The following VANGL2 variants were observed in gnomAD, a reference collection of about 807,000 sequenced individuals.
VANGL2 encodes the protein VANGL planar cell polarity protein 2.
Under a neutral mutation model 50.2 loss-of-function variants are expected in VANGL2, and 14 were observed. That is an observed-to-expected ratio of 0.28 (90% CI 0.18 to 0.44). The LOEUF is 0.44. Among genes scored for constraint, VANGL2 ranks in the 20% least tolerant of loss-of-function variants. The probability of loss-of-function intolerance (pLI) is 1.00; values close to 1 mark genes in which losing one functional copy is unlikely to be tolerated. For missense variants in VANGL2, 533 were observed against 701.5 expected, an observed-to-expected ratio of 0.76 and a Z score of 2.71; for synonymous variants, 295 against 297.2, an observed-to-expected ratio of 0.99 and a Z score of 0.08.
chr1:160,424,184 G>A lies in VANGL2; in HGVS notation c.1206G>A (p.Met402Ile). The change falls in exon 7 of 8, where the codon ATG becomes ATA. Residue 402 changes from methionine (M) to isoleucine (I), a missense_variant. Physicochemically the swap from Met to Ile is conservative, Grantham distance 10. Transcript: ENST00000368061. ...QAIFASMARA[M>I]QKYLRTTKQQ... is the part of the protein sequence containing the mutation. ...TCTTTGCATCCATGGCCCGTGCCAT[G>A]CAGAAGTACCTTCGGACCACCAAGC... 1 of 1,614,218 alleles carries A rather than the reference G, an allele frequency of 6.2e-7. No homozygotes were observed. Among genetic ancestry groups the A allele is most frequent in the Non-Finnish European group, 8.5e-7 (1 of 1,180,046 alleles).
At position 160,415,787 on chromosome 1, in the gene VANGL2, A is replaced by G. The variant is rs767680878; in HGVS notation, c.-51A>G. ...GGAGGTGGCTGTGGGGCCCCCCAAGAGGCCCCAGCCTGCGGCCCTGGAGCG... is the reference window on the plus strand; with the variant it reads ...GGAGGTGGCTGTGGGGCCCCCCAAGGGGCCCCAGCCTGCGGCCCTGGAGCG... On this transcript the variant is annotated 5_prime_UTR_variant, in exon 2 of 8. Transcript: ENST00000368061. The G allele has an allele frequency of 4.6e-5, 73 of 1,587,362 alleles. No homozygotes were observed. The highest frequency in any genetic ancestry group is 5.9e-5 in the Non-Finnish European group (69 of 1,167,246).
Position 160,425,409 on chromosome 1 carries a change from TGG to T in VANGL2, c.*36_*37del. ...CAACAGCAGGGGGAGTGGGAAACTCTGGGGGGTCCTGAGGGGGTGGGAGGGGG... is the reference window on the plus strand; with the variant it reads ...CAACAGCAGGGGGAGTGGGAAACTCTGGGGTCCTGAGGGGGTGGGAGGGGG... On this transcript the variant is annotated 3_prime_UTR_variant, in exon 8 of 8. Transcript: ENST00000368061. 4.0e-6 allele frequency: 1 copy of T among 252,866 alleles called. No homozygotes were observed. The allele number at this position is 252,866 out of a possible 1,614,324, so 15.7% of individuals were successfully genotyped here. A position where few individuals can be genotyped will look rare whatever the true frequency, so the allele number is the denominator to read the frequency against.
At chr1:160,406,885 T>G (rs1650685371) in intron 1 of VANGL2, among the ~76,000 whole-genome samples, 1 of 152,100 alleles carries the variant, frequency 6.6e-6, no homozygotes, top group Non-Finnish European at 1.5e-5. Context: ...TGCACCACCA[T>G]GCCTGGCTAA....
In VANGL2 at chr1:160,420,421, G is replaced by T. The variant is rs768600299; in HGVS notation, c.811G>T (p.Val271Leu). The T allele has an allele frequency of 1.9e-6, 3 of 1,613,824 alleles. No individual in the cohort carries two copies. The highest frequency in any genetic ancestry group is 1.1e-5 in the South Asian group (1 of 91,048). Residue 271 changes from valine to leucine, a missense_variant, in exon 5 of 8, where the codon GTG becomes TTG. Val to Leu is a conservative substitution (Grantham distance 32). Transcript: ENST00000368061. ...CCGTCTCCCCCACAGCATCCAGCGC[G>T]TGGCAGTGTGGATCCTGGAGAAGTA... Reference protein sequence around the residue: ...YNVGHLSIQRVAVWILEKYYH... With the variant: ...YNVGHLSIQRLAVWILEKYYH...
intron 1 of VANGL2, among the ~76,000 whole-genome samples, chr1:160,402,596 C>T (rs915048501): frequency 7.9e-5 from 12 of 152,078 alleles, no homozygotes; most frequent in South Asian, 6.2e-4. Flanking sequence ...CAAAAAGTTT[C>T]CCTTTTCCCT....
chr1:160,410,967 A>G (rs1650863502), intron 1 of VANGL2, among the ~76,000 whole-genome samples: 1 of 151,988 alleles, frequency 6.6e-6, no homozygotes, highest in South Asian at 2.1e-4. Flanking sequence ...TTTTGTTGCC[A>G]TGGTGATCAA....
chr1:160,423,984 C>A lies in VANGL2; in HGVS notation c.1074-68C>A, dbSNP rs898513949. ...CATTCAGGCTGCTGGAGTGTTGGAGCTAGGGGAGAGGGGTGGGGTGGGGGA... is the reference window on the plus strand; with the variant it reads ...CATTCAGGCTGCTGGAGTGTTGGAGATAGGGGAGAGGGGTGGGGTGGGGGA... On this transcript the variant is annotated intron_variant, in intron 6 of 7. Coordinates refer to ENST00000368061, the MANE Select transcript of VANGL2 (RefSeq NM_020335.3). The A allele has an allele frequency of 2.9e-5, 45 of 1,563,686 alleles. 2 individuals are homozygous for A. In the Middle Eastern group the frequency reaches 1.3e-3, roughly 44 times the overall value.
chr1:160,428,496 T>A lies in VANGL2; in HGVS notation c.*3118T>A, dbSNP rs1464530332. On this transcript the variant is annotated 3_prime_UTR_variant, in exon 8 of 8. Transcript: ENST00000368061. ...GGGGTGGGGTTACAGAGCTGAGACC[T>A]TGTGCATGCATGTAGAAAATTGTAA... 6.6e-6 allele frequency: 1 copy of A among 152,562 alleles called. No individual in the cohort carries two copies. The highest frequency in any genetic ancestry group is 1.5e-5 in the Non-Finnish European group (1 of 68,034). The allele number at this position is 152,562 out of a possible 1,614,324, so 9.5% of individuals were successfully genotyped here.
chr1:160,418,925 C>A, intron 3 of VANGL2, 77 bp from the exon 4 acceptor site: 2 of 1,531,756 alleles, frequency 1.3e-6, no homozygotes, highest in East Asian at 2.3e-5. Flanking sequence ...GTCCCCTCAC[C>A]CTTTCTCCTG....
intron 4 of VANGL2, among the ~76,000 whole-genome samples, chr1:160,420,193 T>C (rs1651217252): frequency 6.6e-6 from 1 of 152,062 alleles, no homozygotes; most frequent in Non-Finnish European, 1.5e-5. Context: ...CTTTCTCTGC[T>C]AGGCTTTGGC....
chr1:160,416,143 G>A lies in VANGL2; in HGVS notation c.153G>A (p.Glu51=). 2 of 1,614,230 alleles carry A rather than the reference G, an allele frequency of 1.2e-6. No individual in the cohort carries two copies. The highest frequency in any genetic ancestry group is 2.2e-5 in the East Asian group (1 of 44,878). Residue 51 remains glutamate, a synonymous_variant, in exon 3 of 8, where the codon GAG becomes GAA. Coordinates refer to ENST00000368061, the MANE Select transcript of VANGL2 (RefSeq NM_020335.3). ...CGGTGACAATCCAGGCTCCCGGGGA[G>A]CCCCTGCTGGACAATGAGTCCACAC... is the stretch of plus-strand genomic sequence containing the variant. The part of the protein sequence containing the change: ...DKSVTIQAPG[E]PLLDNESTRG...
At chr1:160,423,088 T>TAAA (rs1651327398) in intron 6 of VANGL2, among the ~76,000 whole-genome samples, 3 of 152,118 alleles carry the variant, frequency 2.0e-5, no homozygotes, top group Non-Finnish European at 4.4e-5. Flanking sequence ...GTATTTTTAG[T>TAAA]AAAGATGGGG....
chr1:160,403,839 C>G (rs963495901), intron 1 of VANGL2, among the ~76,000 whole-genome samples: 1 of 152,200 alleles, frequency 6.6e-6, no homozygotes, highest in African/African-American at 2.4e-5. Flanking sequence ...CTGAGCCCTT[C>G]CACAAGGAAT....
intron 1 of VANGL2, among the ~76,000 whole-genome samples, chr1:160,406,420 G>A (rs1009026641): frequency 6.6e-6 from 1 of 152,236 alleles, no homozygotes; most frequent in African/African-American, 2.4e-5. Flanking sequence ...TCCAGGAGGA[G>A]CACCTTGGTG....
At chr1:160,402,913 G>A (rs1650524674) in intron 1 of VANGL2, among the ~76,000 whole-genome samples, 1 of 152,110 alleles carries the variant, frequency 6.6e-6, no homozygotes, top group Non-Finnish European at 1.5e-5. Context: ...TGGCTGGGTT[G>A]AGGCACCCAG....
At chr1:160,417,459 C>T (rs1351763913) in intron 3 of VANGL2, among the ~76,000 whole-genome samples, 1 of 152,224 alleles carries the variant, frequency 6.6e-6, no homozygotes, top group East Asian at 1.9e-4. Context: ...ACCTGGGGAC[C>T]TCAGCCTGGC....
At chr1:160,423,195 C>G (rs1452394809) in intron 6 of VANGL2, among the ~76,000 whole-genome samples, 2 of 152,158 alleles carry the variant, frequency 1.3e-5, no homozygotes, top group African/African-American at 4.8e-5. Flanking sequence ...CATGAGCCAC[C>G]ACACCCGGCC....
chr1:160,411,038 C>A lies in VANGL2; in HGVS notation c.-190-4610C>A, dbSNP rs114653704. ...CACATTCCCCCCTGCCAAGCTCCCC[C>A]CCAATCCCCTTGGGATGATACTGAG... On this transcript the variant is annotated intron_variant, in intron 1 of 7. Transcript: ENST00000368061. Among the ~76,000 whole-genome samples, 53 of 152,118 alleles carry A rather than the reference C, an allele frequency of 3.5e-4. No homozygotes were observed. In the South Asian group the frequency reaches 9.8e-3, roughly 28 times the overall value.
intron 6 of VANGL2, 112 bp downstream of exon 6, chr1:160,421,299 G>A: frequency 7.1e-7 from 1 of 1,411,854 alleles, no homozygotes; most frequent in Non-Finnish European, 9.7e-7. Context: ...GACATGAGTT[G>A]GGGGTGTGTG....
Sources: allele counts gnomAD v4.1 joint callset (sites outside exome capture counted in the v4.1 genomes callset), GRCh38; gene constraint gnomAD v4.1.1; transcripts MANE v1.5; gene names NCBI Gene and HGNC (gene_info 2026-07-23, HGNC 2026-07-21).